AKAP13: variants seen among roughly 807,000 people sequenced by gnomAD.
AKAP13 encodes A-kinase anchor protein 13.
A neutral mutation model predicts 264.5 loss-of-function variants in AKAP13; 80 were observed. The ratio of observed to expected loss-of-function variants is 0.30; its 90% confidence interval spans 0.25 to 0.36. The LOEUF (loss-of-function observed/expected upper bound fraction) is 0.36, where lower values mean the gene tolerates loss of function less well. AKAP13 is among the 10% of genes least tolerant of loss of function. The probability of loss-of-function intolerance (pLI) is 1.00; values close to 1 mark genes in which losing one functional copy is unlikely to be tolerated. For synonymous variants in AKAP13, 1,380 were observed against 1,250.2 expected (o/e 1.10, Z -2.19); for missense variants, 3,712 against 3,435.2 (o/e 1.08, Z -2.01).
chr15:85,589,906 A>T (rs1435740766), intron 8 of AKAP13, among the ~76,000 whole-genome samples: 1 of 152,058 alleles, frequency 6.6e-6, no homozygotes, highest in Non-Finnish European at 1.5e-5. Flanking sequence ...ACAGGTTGGG[A>T]GTGGGATCAA....
intron 9 of AKAP13, among the ~76,000 whole-genome samples, chr15:85,645,269 A>G (rs1567172481): frequency 1.3e-5 from 2 of 152,204 alleles, no homozygotes; most frequent in South Asian, 2.1e-4. Context: ...TCCCTGTTCT[A>G]GTTATTGAAC....
At chr15:85,558,305 T>C (rs1239119402) in intron 5 of AKAP13, among the ~76,000 whole-genome samples, 1 of 152,200 alleles carries the variant, frequency 6.6e-6, no homozygotes, top group African/African-American at 2.4e-5. Flanking sequence ...ATTATCTCTT[T>C]ATGAGGACCT....
At chr15:85,457,855 A>T (rs138146946) in intron 1 of AKAP13, among the ~76,000 whole-genome samples, 19 of 152,262 alleles carry the variant, frequency 1.2e-4, no homozygotes, top group Admixed American at 6.5e-4. Context: ...AAAAAGTTAT[A>T]AAGAGGCCGG....
chr15:85,662,275 C>T (rs935353071), intron 12 of AKAP13: 19 of 993,238 alleles, frequency 1.9e-5, no homozygotes, highest in Non-Finnish European at 2.9e-5. Flanking sequence ...TTTTGTTGAT[C>T]GCATAAATCC....
At chr15:85,588,292 A>G (rs753524990) in intron 8 of AKAP13, among the ~76,000 whole-genome samples, 1 of 152,242 alleles carries the variant, frequency 6.6e-6, no homozygotes, top group East Asian at 1.9e-4. Context: ...TACACATAAT[A>G]TTCATGACTA....
At chr15:85,466,548 A>T (rs1033950195) in intron 1 of AKAP13, among the ~76,000 whole-genome samples, 1 of 152,194 alleles carries the variant, frequency 6.6e-6, no homozygotes, top group Non-Finnish European at 1.5e-5. Context: ...TAAGGAAGGG[A>T]TCCAGTTTCA....
chr15:85,394,338 C>T (rs2071012042), intron 1 of AKAP13, among the ~76,000 whole-genome samples: 1 of 152,076 alleles, frequency 6.6e-6, no homozygotes, highest in Non-Finnish European at 1.5e-5. Context: ...ATTATGTGGA[C>T]CCAACAGAAG....
At chr15:85,690,685 T>G (rs1344704157) in intron 16 of AKAP13, among the ~76,000 whole-genome samples, 4 of 152,222 alleles carry the variant, frequency 2.6e-5, no homozygotes, top group Non-Finnish European at 5.9e-5. Flanking sequence ...GAACAGAAAG[T>G]CAGAAGACCT....
chr15:85,534,003 GA>G, intron 4 of AKAP13, 123 bp downstream of exon 4: 1 of 1,102,794 alleles, frequency 9.1e-7, no homozygotes, highest in Non-Finnish European at 1.3e-6. Context: ...GTAAATCTTA[GA>G]ATTACTGTAG....
chr15:85,655,682 A>G lies in AKAP13; in HGVS notation c.4640A>G (p.Asn1547Ser). 6.2e-7 allele frequency: 1 copy of G among 1,614,156 alleles called. No homozygotes were observed. Among genetic ancestry groups the G allele is most frequent in the Non-Finnish European group, 8.5e-7 (1 of 1,180,022 alleles). ...EMDSITEVPA[N>S]CSVLRSSMRS... ...GACAGTATCACTGAAGTGCCTGCAA[A>G]CTGCTCTGTCCTAAGGAGCTCCATG... Residue 1547 changes from asparagine (N) to serine (S), a missense_variant, in exon 11 of 37, where the codon AAC (asparagine) becomes AGC (serine). This residue lies in a region of AKAP13 where 2,759 missense variants were observed against 2,411.7 expected (regional missense o/e 1.14). Transcript: ENST00000394518.
chr15:85,407,598 A>G (rs917817090), intron 1 of AKAP13, among the ~76,000 whole-genome samples: 1 of 151,600 alleles, frequency 6.6e-6, no homozygotes, highest in Non-Finnish European at 1.5e-5. Context: ...GGAGAGAAAG[A>G]ATGGAATGAT....
At chr15:85,462,080 CA>C in intron 1 of AKAP13, among the ~76,000 whole-genome samples, 1 of 152,082 alleles carries the variant, frequency 6.6e-6, no homozygotes, top group Non-Finnish European at 1.5e-5. Flanking sequence ...AGAGAGTAAC[CA>C]ACAACAGTGG....
At chr15:85,400,913 G>T (rs987226865) in intron 1 of AKAP13, among the ~76,000 whole-genome samples, 1 of 150,926 alleles carries the variant, frequency 6.6e-6, no homozygotes, top group Non-Finnish European at 1.5e-5. Flanking sequence ...TCAGGCTGGG[G>T]TGCAGTGGCA....
intron 1 of AKAP13, among the ~76,000 whole-genome samples, chr15:85,452,502 A>G (rs2074128046): frequency 1.3e-5 from 2 of 152,126 alleles, no homozygotes; most frequent in Non-Finnish European, 2.9e-5. Flanking sequence ...GTGTGTGGGT[A>G]TTACTTTAAC....
intron 1 of AKAP13, among the ~76,000 whole-genome samples, chr15:85,466,703 A>G (rs1432775027): frequency 2.6e-5 from 4 of 152,176 alleles, no homozygotes; most frequent in African/African-American, 9.7e-5. Context: ...ATTCATCATA[A>G]TGGGCACACA....
intron 4 of AKAP13, 47 bp from the exon 5 acceptor site, chr15:85,543,725 G>A (rs758045951): frequency 6.5e-7 from 1 of 1,543,862 alleles, no homozygotes; most frequent in Non-Finnish European, 8.7e-7. Flanking sequence ...TTTGTTTTTT[G>A]TTTTTATATT....
Position 85,530,864 on chromosome 15 carries a change from G to A in AKAP13, c.182-2720G>A, listed in dbSNP as rs150029472. Among the ~76,000 whole-genome samples, 804 of 152,138 alleles carry A rather than the reference G, an allele frequency of 5.3e-3. 25 individuals carry two copies. The highest frequency in any genetic ancestry group is 0.049 in the Admixed American group (740 of 15,252). ...TTGGGTGATAATAATAAAGAATTTA[G>A]GAGGCCCCTTCTAGATTTTATTTAT... On this transcript the variant is annotated intron_variant, in intron 3 of 36. Transcript: ENST00000394518.
intron 34 of AKAP13, 40 bp from the exon 35 acceptor site, chr15:85,741,006 C>G (rs755886651): frequency 6.4e-7 from 1 of 1,565,204 alleles, no homozygotes. Context: ...CGCTGTCGTC[C>G]TGGCCAGAGT....
chr15:85,441,435 GTC>G (rs1404611810), intron 1 of AKAP13, among the ~76,000 whole-genome samples: 4 of 151,998 alleles, frequency 2.6e-5, no homozygotes, highest in Admixed American at 2.6e-4. Flanking sequence ...TTTTTTCCTA[GTC>G]TCTGACGTAG....
Sources: gnomAD v4.1 joint callset for allele counts (sites outside exome capture counted in the v4.1 genomes callset) on GRCh38, gnomAD v4.1.1 for gene constraint, gnomAD v4.1.1 regional missense constraint, MANE v1.5 for transcripts, NCBI Gene and HGNC (gene_info 2026-07-23, HGNC 2026-07-21) for gene names.